Variants in MARCHF2 observed in about 807,000 individuals in gnomAD.
MARCHF2 encodes the protein E3 ubiquitin-protein ligase MARCHF2.
MARCHF2 carries 22 observed loss-of-function variants against 24.0 expected under a neutral mutation model. The observed-to-expected ratio is 0.92, with a 90% CI of 0.66 to 1.31. The LOEUF (loss-of-function observed/expected upper bound fraction) is 1.31. Ranked by LOEUF, MARCHF2 falls within the 50% of genes most tolerant of loss-of-function variation. The pLI, the probability that MARCHF2 is intolerant of heterozygous loss-of-function variation, is 0.00. For missense variants in MARCHF2, 301 were observed against 335.3 expected (o/e 0.90, Z 0.80); for synonymous variants, 154 against 153.0 (o/e 1.01, Z -0.05).
rs1001183560 is a variant in MARCHF2, at chr19:8,413,341, C to T, written c.-132C>T. ...CCGGCCGGAGCGGAGCTAGTGGCGCCGACGGGCCGGGCCGGGCCGGGACCG... is the reference window on the plus strand; with the variant it reads ...CCGGCCGGAGCGGAGCTAGTGGCGCTGACGGGCCGGGCCGGGCCGGGACCG... On this transcript the variant is annotated 5_prime_UTR_variant, in exon 1 of 5. Transcript: ENST00000215555. 6 of 151,444 alleles carry T rather than the reference C, an allele frequency of 4.0e-5. No homozygotes were observed. The highest frequency in any genetic ancestry group is 1.5e-4 in the African/African-American group (6 of 41,132). 9.4% of individuals were successfully genotyped at this position (151,444 alleles called of 1,614,324 possible).
intron 4 of MARCHF2, among the ~76,000 whole-genome samples, chr19:8,431,514 A>AAG (rs1555694115): frequency 6.7e-6 from 1 of 149,036 alleles, no homozygotes; most frequent in Non-Finnish European, 1.5e-5. Flanking sequence ...AAAAAAAAAA[A>AAG]AAAAAGGAAA....
chr19:8,427,017 A>G (rs1463484098), intron 3 of MARCHF2, among the ~76,000 whole-genome samples: 2 of 151,970 alleles, frequency 1.3e-5, no homozygotes, highest in Non-Finnish European at 2.9e-5. Flanking sequence ...GTTTTCATTC[A>G]GTCTTTCTTC....
chr19:8,413,524 C>A (rs1247755568), intron 1 of MARCHF2, 104 bp downstream of exon 1: 2 of 152,266 alleles, frequency 1.3e-5, no homozygotes, highest in Admixed American at 1.3e-4. Context: ...GGGCTCGATC[C>A]CTTGGCCACA....
chr19:8,416,664 G>A lies in MARCHF2; in HGVS notation c.-53+3244G>A, dbSNP rs926481761. 7.9e-5 allele frequency among the ~76,000 whole-genome samples: 12 copies of A among 152,052 alleles called. 1 individual carries two copies. The highest frequency in any genetic ancestry group is 2.9e-4 in the African/African-American group (12 of 41,388). The stretch of plus-strand genomic sequence containing the variant: ...GGCTCACTGCAGCCTCAACCTGGGT[G>A]CAAGCGATTCTCCCACCTCAGCCTC... On this transcript the variant is annotated intron_variant, in intron 1 of 4. Transcript: ENST00000215555.
intron 2 of MARCHF2, among the ~76,000 whole-genome samples, chr19:8,422,854 G>A (rs1434420829): frequency 4.2e-5 from 6 of 144,562 alleles, no homozygotes; most frequent in African/African-American, 7.7e-5. Context: ...ACAGGCACGC[G>A]CCACCACACC....
intron 3 of MARCHF2, among the ~76,000 whole-genome samples, chr19:8,429,803 CTTTTT>C (rs371323385): frequency 1.3e-5 from 1 of 79,664 alleles, no homozygotes; most frequent in Non-Finnish European, 2.5e-5. Context: ...CACACCAGGG[CTTTTT>C]TTTTTTTTTT....
At chr19:8,432,829 G>A (rs1967617157) in intron 4 of MARCHF2, among the ~76,000 whole-genome samples, 1 of 151,548 alleles carries the variant, frequency 6.6e-6, no homozygotes, top group Admixed American at 6.6e-5. Context: ...GCTTCTGCCT[G>A]TAATCCCAGT....
intron 4 of MARCHF2, among the ~76,000 whole-genome samples, chr19:8,431,793 G>T (rs1599872): frequency 0.27 from 41,240 of 151,920 alleles, 6,299 homozygotes; most frequent in Middle Eastern, 0.36. Context: ...AGCCGATATT[G>T]CGCCACTGCA....
intron 3 of MARCHF2, among the ~76,000 whole-genome samples, chr19:8,428,799 A>G (rs1028829350): frequency 5.3e-5 from 8 of 151,236 alleles, no homozygotes; most frequent in Non-Finnish European, 1.0e-4. Context: ...CACCGTCTCT[A>G]CTAAAAATAC....
chr19:8,425,101 C>T (rs1967361585), intron 2 of MARCHF2, among the ~76,000 whole-genome samples: 1 of 151,932 alleles, frequency 6.6e-6, no homozygotes, highest in Non-Finnish European at 1.5e-5. Context: ...TGGGACCGGG[C>T]GTGGTGGCTC....
intron 4 of MARCHF2, among the ~76,000 whole-genome samples, chr19:8,436,074 A>G (rs10425695): frequency 0.96 from 146,095 of 152,062 alleles, 70,432 homozygotes; most frequent in East Asian, 1. Flanking sequence ...TGCCCAGGCT[A>G]GGAGTTGACT....
chr19:8,429,956 G>C (rs1967533451), intron 3 of MARCHF2, among the ~76,000 whole-genome samples: 1 of 151,982 alleles, frequency 6.6e-6, no homozygotes, highest in Non-Finnish European at 1.5e-5. Context: ...AGCTGTGTGA[G>C]TTTGCTCACT....
At chr19:8,431,234 C>T (rs1360916305) in intron 4 of MARCHF2, among the ~76,000 whole-genome samples, 6 of 152,068 alleles carry the variant, frequency 3.9e-5, no homozygotes, top group Admixed American at 1.3e-4. Context: ...CATGGTGGCT[C>T]ACGCCTGTAA....
chr19:8,426,874 C>A, intron 3 of MARCHF2, 70 bp downstream of exon 3: 1 of 1,421,236 alleles, frequency 7.0e-7, no homozygotes. Flanking sequence ...AAGGCAGGAG[C>A]TGCCCCGGGC....
chr19:8,434,857 C>T (rs1193822547), intron 4 of MARCHF2, among the ~76,000 whole-genome samples: 1 of 151,926 alleles, frequency 6.6e-6, no homozygotes, highest in Non-Finnish European at 1.5e-5. Context: ...AGGCATCTGC[C>T]ACCATGTCTG....
intron 1 of MARCHF2, among the ~76,000 whole-genome samples, chr19:8,421,014 G>C (rs145829081): frequency 1.5e-3 from 224 of 151,984 alleles, no homozygotes; most frequent in African/African-American, 5.0e-3. Context: ...GCCTAGGCTG[G>C]TCTCAAACTC....
intron 4 of MARCHF2, among the ~76,000 whole-genome samples, chr19:8,432,998 T>C (rs1243367060): frequency 6.7e-6 from 1 of 148,806 alleles, no homozygotes; most frequent in African/African-American, 2.5e-5. Context: ...GCAGGCAGAT[T>C]GCTTGAGCTT....
chr19:8,435,261 GC>G (rs1222020615), intron 4 of MARCHF2, among the ~76,000 whole-genome samples: 6 of 151,978 alleles, frequency 3.9e-5, no homozygotes, highest in Admixed American at 3.3e-4. Flanking sequence ...CTCGTGATCC[GC>G]CCGTGTCTGC....
intron 2 of MARCHF2, among the ~76,000 whole-genome samples, chr19:8,422,542 G>A (rs1402139640): frequency 1.3e-5 from 2 of 151,550 alleles, no homozygotes; most frequent in Non-Finnish European, 2.9e-5. Flanking sequence ...ACAGGCACCC[G>A]TCACCACACC....
Sources: allele counts gnomAD v4.1 joint callset (sites outside exome capture counted in the v4.1 genomes callset), GRCh38; gene constraint gnomAD v4.1.1; transcripts MANE v1.5; gene names NCBI Gene and HGNC (gene_info 2026-07-23, HGNC 2026-07-21).